Variants in ABCA1 observed in about 807,000 individuals in gnomAD.
ABCA1 encodes the protein phospholipid-transporting ATPase ABCA1.
In ABCA1, 133 loss-of-function variants were observed where a neutral mutation model predicts 262.5. That is an observed-to-expected ratio of 0.51 (90% confidence interval 0.44 to 0.59). ABCA1 has a LOEUF of 0.59. Among genes scored for constraint, ABCA1 ranks in the 20% least tolerant of loss-of-function variants. ABCA1 has a pLI of 0.00. For synonymous variants in ABCA1, 1,022 were observed against 1,043.5 expected, an observed-to-expected ratio of 0.98 and a Z score of 0.40; for missense variants, 2,452 against 2,777.5, an observed-to-expected ratio of 0.88 and a Z score of 2.63.
rs376463936 is a variant in ABCA1 at position 104,883,166 on chromosome 9, G to A, written c.303-9C>T. On this transcript the variant is annotated splice_polypyrimidine_tract_variant and intron_variant, in intron 4 of 49. Coordinates refer to ENST00000374736, the MANE Select transcript of ABCA1 (RefSeq NM_005502.4). ...AGAACAGGCGAGCCACACTGTAAAG[G>A]GTGCAAGAAAAGGCGAAAGGCTTTA... 1.9e-6 allele frequency: 3 copies of A among 1,611,552 alleles called. No homozygotes were observed. Among genetic ancestry groups the A allele is most frequent in the Non-Finnish European group, 2.5e-6 (3 of 1,178,142 alleles).
intron 20 of ABCA1, among the ~76,000 whole-genome samples, chr9:104,820,547 A>C (rs1456571278): frequency 6.6e-6 from 1 of 152,208 alleles, no homozygotes; most frequent in Non-Finnish European, 1.5e-5. Flanking sequence ...TGTTCACTTT[A>C]GATAAGAAGA....
intron 2 of ABCA1, among the ~76,000 whole-genome samples, chr9:104,894,414 G>A (rs181182151): frequency 6.6e-6 from 1 of 152,238 alleles, no homozygotes; most frequent in East Asian, 1.9e-4. Context: ...GTGAGTGTAA[G>A]CAGATCAGGA....
chr9:104,841,797 A>G (rs531910998), intron 8 of ABCA1, among the ~76,000 whole-genome samples: 3 of 152,372 alleles, frequency 2.0e-5, no homozygotes, highest in African/African-American at 7.2e-5. Context: ...ACAGGCATCA[A>G]TGACCCAGGC....
chr9:104,816,453 A>C, intron 24 of ABCA1, 108 bp from the exon 25 acceptor site: 1 of 1,025,706 alleles, frequency 9.7e-7, no homozygotes, highest in Non-Finnish European at 1.5e-6. Context: ...CATACACCAC[A>C]CCTGTTCCAG....
chr9:104,793,042 A>G, intron 41 of ABCA1, 129 bp downstream of exon 41: 1 of 1,579,600 alleles, frequency 6.3e-7, no homozygotes, highest in Non-Finnish European at 8.7e-7. Context: ...GGATGCCCAC[A>G]TCAGGAAAAT....
At chr9:104,913,939 A>G (rs1201919881) in intron 1 of ABCA1, among the ~76,000 whole-genome samples, 1 of 148,688 alleles carries the variant, frequency 6.7e-6, no homozygotes, top group African/African-American at 2.4e-5. Context: ...GGGACTACCG[A>G]CAGCCGCCTG....
intron 2 of ABCA1, among the ~76,000 whole-genome samples, chr9:104,890,360 A>C (rs1839604782): frequency 6.6e-6 from 1 of 152,186 alleles, no homozygotes; most frequent in Non-Finnish European, 1.5e-5. Flanking sequence ...CCGGTGGATC[A>C]GCTGAGGTCA....
chr9:104,926,608 G>A (rs1201114184), intron 1 of ABCA1, among the ~76,000 whole-genome samples: 2 of 152,076 alleles, frequency 1.3e-5, no homozygotes, highest in African/African-American at 4.8e-5. Flanking sequence ...TAGGTCCTCC[G>A]GCCAGGAGGC....
intron 1 of ABCA1, among the ~76,000 whole-genome samples, chr9:104,911,581 T>C (rs538977735): frequency 6.6e-6 from 1 of 152,322 alleles, no homozygotes; most frequent in East Asian, 1.9e-4. Context: ...CTAATCTGAC[T>C]GCCTCAGTTT....
chr9:104,880,848 T>C (rs547670644), intron 5 of ABCA1, among the ~76,000 whole-genome samples: 1 of 152,054 alleles, frequency 6.6e-6, no homozygotes, highest in South Asian at 2.1e-4. Flanking sequence ...ACTTAACTCA[T>C]GTCTCCAGCT....
intron 5 of ABCA1, among the ~76,000 whole-genome samples, chr9:104,876,914 CA>C (rs1275524795): frequency 6.6e-6 from 1 of 152,202 alleles, no homozygotes; most frequent in Non-Finnish European, 1.5e-5. Context: ...GAGGCTGACA[CA>C]AGTTGGTAGG....
At position 104,805,603 on chromosome 9, in the gene ABCA1, T is replaced by C. The variant is rs548177378; in HGVS notation, c.4464+638A>G. 1.5e-4 allele frequency among the ~76,000 whole-genome samples: 23 copies of C among 152,244 alleles called. No individual in the cohort carries two copies. In the South Asian group the frequency reaches 3.7e-3, roughly 25 times the overall value. ...GACAAGATCCACAGGAGTTTTCTGG[T>C]CCAGCCTCCCTAATTCAGAGGTGAA... is the stretch of plus-strand genomic sequence containing the variant. On this transcript the variant is annotated intron_variant, in intron 31 of 49. Coordinates refer to ENST00000374736, the MANE Select transcript of ABCA1 (RefSeq NM_005502.4).
chr9:104,819,460 C>T, intron 22 of ABCA1, 126 bp downstream of exon 22: 1 of 1,371,410 alleles, frequency 7.3e-7, no homozygotes, highest in Non-Finnish European at 1.0e-6. Context: ...CCCTTTATCT[C>T]TTCTGTGATA....
intron 2 of ABCA1, 126 bp from the exon 3 acceptor site, chr9:104,889,321 C>T: frequency 6.5e-7 from 1 of 1,534,934 alleles, no homozygotes; most frequent in Non-Finnish European, 8.8e-7. Context: ...GTCTCTCCCA[C>T]CACTCTCTAA....
intron 12 of ABCA1, among the ~76,000 whole-genome samples, chr9:104,832,097 C>A (rs1239595918): frequency 6.6e-6 from 1 of 152,104 alleles, no homozygotes; most frequent in Non-Finnish European, 1.5e-5. Context: ...TCTTATCTTA[C>A]TTTTCTGTTT....
chr9:104,809,251 G>A (rs1007638003), intron 30 of ABCA1, among the ~76,000 whole-genome samples: 11 of 151,964 alleles, frequency 7.2e-5, no homozygotes, highest in Non-Finnish European at 1.0e-4. Context: ...CTGTAATGAC[G>A]TGCTTTGCAC....
rs1831868375 is a variant in ABCA1, at chr9:104,817,409, T to C, written c.3463-5A>G. On this transcript the variant is annotated splice_region_variant and splice_polypyrimidine_tract_variant and intron_variant, in intron 23 of 49. Transcript: ENST00000374736. The surrounding 1 kb of genome is among the most constrained non-coding windows in gnomAD (Gnocchi z 4.7). ...GCTCTGAGAAACACTGTCCTCCTGA[T>C]GGCAAAGAAGGAGGTGAGAACGGGT... The C allele has an allele frequency of 6.2e-7, 1 of 1,614,178 alleles. No individual in the cohort carries two copies. The highest frequency in any genetic ancestry group is 8.5e-7 in the Non-Finnish European group (1 of 1,180,016).
chr9:104,845,444 T>TC, intron 8 of ABCA1, 33 bp downstream of exon 8: 1 of 1,495,552 alleles, frequency 6.7e-7, no homozygotes. Flanking sequence ...CAGTGGATGA[T>TC]CCGCTTCCTG....
chr9:104,882,057 A>AAC (rs1838725778), intron 5 of ABCA1, among the ~76,000 whole-genome samples: 1 of 137,240 alleles, frequency 7.3e-6, no homozygotes, highest in African/African-American at 2.7e-5. Context: ...AAAAAAAAAA[A>AAC]CTCAAATCTG....
Sources: gnomAD v4.1 joint callset for allele counts (sites outside exome capture counted in the v4.1 genomes callset) on GRCh38, gnomAD v4.1.1 for gene constraint, Gnocchi (gnomAD v3.1) non-coding constraint, MANE v1.5 for transcripts, NCBI Gene and HGNC (gene_info 2026-07-23, HGNC 2026-07-21) for gene names.